PPP2R2B: variants seen among roughly 807,000 people sequenced by gnomAD.
The protein encoded by PPP2R2B is protein phosphatase 2 regulatory subunit Bbeta.
PPP2R2B carries 5 observed loss-of-function variants against 46.0 expected under a neutral mutation model. The ratio of observed to expected loss-of-function variants is 0.11; its 90% confidence interval spans 0.06 to 0.23. The LOEUF (loss-of-function observed/expected upper bound fraction) is 0.23. PPP2R2B is among the 10% of genes least tolerant of loss of function. The pLI is 1.00. For synonymous variants in PPP2R2B, 215 were observed against 206.7 expected, an observed-to-expected ratio of 1.04 and a Z score of -0.34; for missense variants, 367 against 575.0, an observed-to-expected ratio of 0.64 and a Z score of 3.70.
chr5:146,791,100 G>A (rs531244135), intron 2 of PPP2R2B, among the ~76,000 whole-genome samples: 1 of 152,240 alleles, frequency 6.6e-6, no homozygotes, highest in South Asian at 2.1e-4. Flanking sequence ...CTATCTTTTA[G>A]GACCTGTTTC....
chr5:146,797,629 C>T (rs1300444144), intron 2 of PPP2R2B, among the ~76,000 whole-genome samples: 1 of 152,246 alleles, frequency 6.6e-6, no homozygotes, highest in African/African-American at 2.4e-5. Flanking sequence ...GCATCTCCGA[C>T]TACCAGCAGC....
intron 2 of PPP2R2B, among the ~76,000 whole-genome samples, chr5:146,827,690 T>TAAGTATTGATA (rs1441446886): frequency 1.3e-5 from 2 of 152,188 alleles, no homozygotes; most frequent in African/African-American, 4.8e-5. Flanking sequence ...ATTTATATAA[T>TAAGTATTGATA]AAGTATTGAT....
intron 2 of PPP2R2B, among the ~76,000 whole-genome samples, chr5:146,836,038 A>G (rs1582227037): frequency 6.6e-6 from 1 of 152,180 alleles, no homozygotes; most frequent in African/African-American, 2.4e-5. Flanking sequence ...GGTGATATAT[A>G]TATGTAATAA....
chr5:146,595,168 A>G (rs1396544548), intron 8 of PPP2R2B, among the ~76,000 whole-genome samples: 2 of 152,164 alleles, frequency 1.3e-5, no homozygotes, highest in African/African-American at 4.8e-5. Context: ...TTTGGTGACA[A>G]GGGAATACCC....
At chr5:146,849,841 T>C (rs1218450614) in intron 2 of PPP2R2B, among the ~76,000 whole-genome samples, 1 of 152,232 alleles carries the variant, frequency 6.6e-6, no homozygotes, top group African/African-American at 2.4e-5. Context: ...GCTTCTACCC[T>C]GTATAATATC....
rs76341467 is a variant in PPP2R2B, at chr5:146,699,220, G to A, written c.169-1076C>T. ...CCCAAATCTCAACTTACTGACCAGT[G>A]AGAGTGCTGAACCCTGGGTGTGTAA... is the stretch of plus-strand genomic sequence containing the variant. On this transcript the variant is annotated intron_variant, in intron 3 of 9. Transcript: ENST00000394411. 4.0e-3 allele frequency among the ~76,000 whole-genome samples: 603 copies of A among 152,252 alleles called. 4 individuals carry two copies. Among genetic ancestry groups the A allele is most frequent in the African/African-American group, 0.014 (569 of 41,536 alleles).
intron 2 of PPP2R2B, among the ~76,000 whole-genome samples, chr5:146,866,015 G>A (rs1419244558): frequency 6.6e-6 from 1 of 152,084 alleles, no homozygotes; most frequent in Non-Finnish European, 1.5e-5. Flanking sequence ...AGCAAATGAT[G>A]GTCTACAGGC....
At chr5:146,879,823 AACG>A (rs1017111718), upstream of PPP2R2B, among the ~76,000 whole-genome samples, 23 of 152,214 alleles carry the variant, frequency 1.5e-4, no homozygotes, top group African/African-American at 5.3e-4. Flanking sequence ...GCCAATTGGA[AACG>A]ACATTTCCTA....
chr5:146,638,513 G>A (rs967055776), intron 6 of PPP2R2B, 98 bp from the exon 7 acceptor site: 1 of 1,148,558 alleles, frequency 8.7e-7, no homozygotes, highest in Non-Finnish European at 1.2e-6. Flanking sequence ...AGTAAAATAT[G>A]TCAACATTTG....
intron 2 of PPP2R2B, among the ~76,000 whole-genome samples, chr5:146,801,798 T>C (rs1354663965): frequency 6.6e-6 from 1 of 152,214 alleles, no homozygotes; most frequent in East Asian, 1.9e-4. Flanking sequence ...TAATAAATGC[T>C]GGCTATTATC....
chr5:146,912,907 A>T (rs1223404815), intron 1 of PPP2R2B, among the ~76,000 whole-genome samples: 3 of 152,216 alleles, frequency 2.0e-5, no homozygotes, highest in African/African-American at 7.2e-5. Context: ...TATGGAAAAA[A>T]GACTAGTCCA....
intron 2 of PPP2R2B, among the ~76,000 whole-genome samples, chr5:146,813,981 A>G (rs1025513766): frequency 9.9e-5 from 15 of 152,178 alleles, no homozygotes; most frequent in Non-Finnish European, 1.9e-4. Context: ...AGAAAAGGGA[A>G]GTAAAATTGC....
At chr5:146,971,316 T>C (rs1468205239) in intron 1 of PPP2R2B, among the ~76,000 whole-genome samples, 1 of 152,216 alleles carries the variant, frequency 6.6e-6, no homozygotes, top group Admixed American at 6.5e-5. Context: ...TGTCTACCCT[T>C]CCAGATGCAT....
Position 146,731,663 on chromosome 5 carries a change from G to A in PPP2R2B, c.71-30521C>T, listed in dbSNP as rs180766572. On this transcript the variant is annotated intron_variant, in intron 2 of 9. Transcript: ENST00000394411. ...ACCCTCATTCTCAATTTCCTTCTCT[G>A]TAAAACAGTGAAGAAAATCTTTCCA... Among the ~76,000 whole-genome samples, 322 of 152,254 alleles carry A rather than the reference G, an allele frequency of 2.1e-3. 1 individual carries two copies. The highest frequency in any genetic ancestry group is 7.1e-3 in the African/African-American group (295 of 41,546).
At chr5:146,866,511 T>C (rs1761316999) in intron 2 of PPP2R2B, among the ~76,000 whole-genome samples, 1 of 152,162 alleles carries the variant, frequency 6.6e-6, no homozygotes, top group African/African-American at 2.4e-5. Context: ...TACTAGGAGA[T>C]GGATAAACAA....
chr5:146,662,913 A>ACCAAGACATAGATAGAAATATGC (rs1333444395), intron 5 of PPP2R2B, among the ~76,000 whole-genome samples: 3 of 152,164 alleles, frequency 2.0e-5, no homozygotes, highest in Non-Finnish European at 4.4e-5. Context: ...AAAGAAAATG[A>ACCAAGACATAGATAGAAATATGC]CCAAGACATA....
At position 146,701,096 on chromosome 5, in the gene PPP2R2B, T is replaced by A; in HGVS notation, c.117A>T (p.Leu39=). The change falls in exon 3 of 10, where the codon CTA becomes CTT. Residue 39 remains leucine (L), a synonymous_variant. Transcript: ENST00000394411. ...TVEFNHTGEL[L]ATGDKGGRVV... ...CCCGACCCCCCTTGTCCCCTGTCGC[T>A]AGTAATTCTCCCGTGTGGTTGAATT... 1.9e-6 allele frequency: 3 copies of A among 1,614,094 alleles called. No homozygotes were observed. Among genetic ancestry groups the A allele is most frequent in the Non-Finnish European group, 2.5e-6 (3 of 1,179,944 alleles).
chr5:146,883,690 C>T (rs1340588248), upstream of PPP2R2B, among the ~76,000 whole-genome samples: 1 of 152,184 alleles, frequency 6.6e-6, no homozygotes, highest in Non-Finnish European at 1.5e-5. Context: ...TACGTGCTGT[C>T]TAGAGAATGA....
At chr5:146,977,983 C>T (rs886066473) in intron 1 of PPP2R2B, among the ~76,000 whole-genome samples, 2 of 152,166 alleles carry the variant, frequency 1.3e-5, no homozygotes, top group Admixed American at 1.3e-4. Flanking sequence ...CTAATTTACA[C>T]TCCCACCAAC....
Sources: gnomAD v4.1 joint callset for allele counts (sites outside exome capture counted in the v4.1 genomes callset) on GRCh38, gnomAD v4.1.1 for gene constraint, MANE v1.5 for transcripts, NCBI Gene and HGNC (gene_info 2026-07-23, HGNC 2026-07-21) for gene names.